NFATC2: variants seen among roughly 807,000 people sequenced by gnomAD.
The protein encoded by NFATC2 is nuclear factor of activated T-cells, cytoplasmic 2.
In NFATC2, 22 loss-of-function variants were observed where a neutral mutation model predicts 87.3. The ratio of observed to expected loss-of-function variants is 0.25; its 90% CI spans 0.18 to 0.36. NFATC2 has a LOEUF of 0.36. Ranked by LOEUF, NFATC2 falls within the 10% of genes least tolerant of loss-of-function variation. NFATC2 has a pLI of 1.00. For synonymous variants in NFATC2, 565 were observed against 542.2 expected (o/e 1.04, Z -0.58); for missense variants, 1,149 against 1,259.1 (o/e 0.91, Z 1.32).
At chr20:51,392,257 T>C (rs996864383) in intron 10 of NFATC2, among the ~76,000 whole-genome samples, 5 of 152,132 alleles carry the variant, frequency 3.3e-5, no homozygotes, top group African/African-American at 7.2e-5. Context: ...AACATAAACA[T>C]AGTTTCCATT....
chr20:51,469,665 C>T (rs151117608), intron 5 of NFATC2, among the ~76,000 whole-genome samples: 15 of 152,242 alleles, frequency 9.9e-5, no homozygotes, highest in African/African-American at 3.1e-4. Flanking sequence ...AGTGCATCCT[C>T]GTAAGCAACA....
upstream of NFATC2, chr20:51,562,743 A>T (rs2077043506): frequency 9.3e-7 from 1 of 1,078,824 alleles, no homozygotes; most frequent in Non-Finnish European, 1.3e-6. The surrounding 1 kb of genome is among the most constrained non-coding windows in gnomAD (Gnocchi z 5.8). Flanking sequence ...GCCCTGGCCG[A>T]GGAGCCTCGG....
At chr20:51,555,542 G>A (rs533495652) in intron 1 of NFATC2, among the ~76,000 whole-genome samples, 1 of 151,918 alleles carries the variant, frequency 6.6e-6, no homozygotes, top group South Asian at 2.1e-4. Context: ...ACAGTAAGCT[G>A]AGATTGCCGC....
intron 3 of NFATC2, among the ~76,000 whole-genome samples, chr20:51,486,544 C>T (rs185181840): frequency 6.6e-5 from 10 of 152,160 alleles, no homozygotes; most frequent in African/African-American, 2.4e-4. Flanking sequence ...TATTTCCTTC[C>T]TGACTGTGCT....
Position 51,387,281 on chromosome 20 carries a change from C to CCAAT in NFATC2, c.*4211_*4214dup, listed in dbSNP as rs1215369708. 1 of 152,218 alleles carries CCAAT rather than the reference C, an allele frequency of 6.6e-6. No individual in the cohort carries two copies. Among genetic ancestry groups the CCAAT allele is most frequent in the Non-Finnish European group, 1.5e-5 (1 of 68,056 alleles). 9.4% of individuals were successfully genotyped at this position (152,218 alleles called of 1,614,324 possible). On this transcript the variant is annotated 3_prime_UTR_variant, in exon 11 of 11. Transcript: ENST00000371564. ...CAGCCATAGCCTCGGTCTGCTCAGG[C>CCAAT]CAATCAGAATGCTGTGAGCACCTGC...
chr20:51,483,919 C>A (rs1163031495), intron 3 of NFATC2, among the ~76,000 whole-genome samples: 1 of 151,742 alleles, frequency 6.6e-6, no homozygotes, highest in East Asian at 1.9e-4. Flanking sequence ...ACACAGTCTT[C>A]TTCACATAGC....
upstream of NFATC2, among the ~76,000 whole-genome samples, chr20:51,544,865 G>C (rs1320391723): frequency 1.3e-5 from 2 of 152,190 alleles, no homozygotes; most frequent in Non-Finnish European, 2.9e-5. Flanking sequence ...TCTACTGCAG[G>C]GGCCTGGGGG....
In NFATC2 at chr20:51,448,294, A is replaced by G. The variant is rs367956497; in HGVS notation, c.1849+6254T>C. 7.9e-5 allele frequency among the ~76,000 whole-genome samples: 12 copies of G among 152,292 alleles called. No homozygotes were observed. In the East Asian group the frequency reaches 2.1e-3, roughly 27 times the overall value. On this transcript the variant is annotated intron_variant, in intron 6 of 10. Coordinates refer to ENST00000371564, the MANE Select transcript of NFATC2 (RefSeq NM_012340.5). ...ACGGTCAAGGAGGACCCCGTGGAGG[A>G]AGTGACCTTTGAGCTGAGACTGGGA...
chr20:51,478,367 G>C (rs558511843), intron 3 of NFATC2, among the ~76,000 whole-genome samples: 4 of 152,362 alleles, frequency 2.6e-5, no homozygotes, highest in African/African-American at 9.6e-5. Context: ...TTGGTATCAA[G>C]AAGAAAGGTA....
At chr20:51,537,526 C>CT (rs2146785849) in intron 1 of NFATC2, among the ~76,000 whole-genome samples, 1 of 152,314 alleles carries the variant, frequency 6.6e-6, no homozygotes, top group African/African-American at 2.4e-5. Context: ...CTGCACCAGA[C>CT]TGTTAAGGCA....
intron 6 of NFATC2, among the ~76,000 whole-genome samples, chr20:51,451,490 C>A (rs1985765761): frequency 6.6e-6 from 1 of 152,222 alleles, no homozygotes; most frequent in African/African-American, 2.4e-5. Context: ...TCCTGCAGTG[C>A]CCAGGACAGC....
intron 3 of NFATC2, among the ~76,000 whole-genome samples, chr20:51,512,557 A>T (rs1398690154): frequency 6.6e-6 from 1 of 152,212 alleles, no homozygotes; most frequent in Non-Finnish European, 1.5e-5. Flanking sequence ...GTTTGGGAAC[A>T]AACTTTCTCC....
At chr20:51,550,096 C>A (rs947557080) in intron 1 of NFATC2, among the ~76,000 whole-genome samples, 3 of 152,262 alleles carry the variant, frequency 2.0e-5, no homozygotes, top group African/African-American at 4.8e-5. Flanking sequence ...ATAATCCCAG[C>A]ACTTTGGGAG....
At chr20:51,476,075 CT>C (rs10599453) in intron 3 of NFATC2, among the ~76,000 whole-genome samples, 3,825 of 141,082 alleles carry the variant, frequency 0.027, 143 homozygotes, top group African/African-American at 0.083. Flanking sequence ...ACTGTCACTT[CT>C]TTTTTTTTTT....
chr20:51,488,355 A>G (rs890370943), intron 3 of NFATC2, among the ~76,000 whole-genome samples: 1 of 152,158 alleles, frequency 6.6e-6, no homozygotes, highest in Admixed American at 6.5e-5. Flanking sequence ...CAACCTTCGC[A>G]CTATTGGCCA....
chr20:51,396,898 G>C (rs1348781243), intron 10 of NFATC2, among the ~76,000 whole-genome samples: 4 of 152,060 alleles, frequency 2.6e-5, no homozygotes, highest in African/African-American at 7.3e-5. Context: ...AAGCAACCGG[G>C]CCTGCTGGTC....
chr20:51,472,279 A>G (rs1208651653), intron 5 of NFATC2, among the ~76,000 whole-genome samples: 4 of 152,100 alleles, frequency 2.6e-5, no homozygotes, highest in African/African-American at 9.7e-5. Flanking sequence ...AAATAACCAA[A>G]ATATTTGATC....
intron 9 of NFATC2, among the ~76,000 whole-genome samples, chr20:51,428,373 G>A (rs1029762762): frequency 6.6e-6 from 1 of 152,224 alleles, no homozygotes; most frequent in Non-Finnish European, 1.5e-5. Flanking sequence ...GGGCTCAGGG[G>A]AGTGCATGCC....
At chr20:51,398,581 A>G in intron 10 of NFATC2, 62 bp downstream of exon 10, 3 of 1,266,090 alleles carry the variant, frequency 2.4e-6, no homozygotes, top group Non-Finnish European at 3.3e-6. Context: ...AAAAAAAAAA[A>G]AATTCAAGTT....
Sources: gnomAD v4.1 joint callset for allele counts (sites outside exome capture counted in the v4.1 genomes callset) on GRCh38, gnomAD v4.1.1 for gene constraint, Gnocchi (gnomAD v3.1) non-coding constraint, MANE v1.5 for transcripts, NCBI Gene and HGNC (gene_info 2026-07-23, HGNC 2026-07-21) for gene names.